Variants in IMPG2 observed in about 807,000 individuals in gnomAD.
The protein encoded by IMPG2 is interphotoreceptor matrix proteoglycan 2.
IMPG2 carries 91 observed loss-of-function variants against 129.2 expected under a neutral mutation model. The ratio of observed to expected loss-of-function variants is 0.70; its 90% CI spans 0.59 to 0.84. The LOEUF is 0.84. Ranked by LOEUF, IMPG2 falls within the 40% of genes least tolerant of loss-of-function variation. IMPG2 has a pLI of 0.00. For synonymous variants in IMPG2, 510 were observed against 517.7 expected (o/e 0.99, Z 0.20); for missense variants, 1,430 against 1,461.7 (o/e 0.98, Z 0.35).
chr3:101,294,235 C>T (rs1001221303), intron 3 of IMPG2, among the ~76,000 whole-genome samples: 1 of 152,010 alleles, frequency 6.6e-6, no homozygotes, highest in Non-Finnish European at 1.5e-5. Flanking sequence ...AATGCTCTCC[C>T]TCCCCTTGGC....
At chr3:101,289,986 T>C (rs560164976) in intron 4 of IMPG2, among the ~76,000 whole-genome samples, 1 of 150,136 alleles carries the variant, frequency 6.7e-6, no homozygotes, top group South Asian at 2.1e-4. Context: ...GAGAGGAACG[T>C]AGAAAGAAAC....
chr3:101,280,767 G>A lies in IMPG2; in HGVS notation c.534-4054C>T, dbSNP rs1308486088. ...TCGAAACCAGCCTGGCCAACATGGC[G>A]AAACCCCATCTCTACTAAAAAACAT... is the stretch of plus-strand genomic sequence containing the variant. On this transcript the variant is annotated intron_variant, in intron 4 of 18. Coordinates refer to ENST00000193391, the MANE Select transcript of IMPG2 (RefSeq NM_016247.4). Among the ~76,000 whole-genome samples, 11 of 151,958 alleles carry A rather than the reference G, an allele frequency of 7.2e-5. 1 individual carries two copies. Among genetic ancestry groups the A allele is most frequent in the South Asian group, 4.1e-4 (2 of 4,820 alleles).
intron 5 of IMPG2, among the ~76,000 whole-genome samples, chr3:101,276,445 T>C (rs1350467576): frequency 6.6e-6 from 1 of 152,184 alleles, no homozygotes; most frequent in Admixed American, 6.5e-5. Flanking sequence ...CTGACTTGTA[T>C]TATATACTTA....
intron 9 of IMPG2, among the ~76,000 whole-genome samples, chr3:101,260,762 T>G (rs1706660554): frequency 6.6e-6 from 1 of 152,202 alleles, no homozygotes; most frequent in Non-Finnish European, 1.5e-5. Flanking sequence ...AAACTTCTTT[T>G]TAACATGAAG....
chr3:101,269,701 G>C (rs1706759041), intron 7 of IMPG2, 128 bp from the exon 8 acceptor site: 1 of 577,546 alleles, frequency 1.7e-6, no homozygotes, highest in Non-Finnish European at 3.1e-6. Context: ...CACTTAGCTA[G>C]GCATACCCAG....
intron 11 of IMPG2, among the ~76,000 whole-genome samples, chr3:101,248,288 T>A (rs1373064977): frequency 6.6e-6 from 1 of 151,508 alleles, no homozygotes; most frequent in Non-Finnish European, 1.5e-5. Flanking sequence ...TAAAGGGGAG[T>A]TTCCCTGCAC....
chr3:101,291,497 G>A lies in IMPG2; in HGVS notation c.515C>T (p.Ala172Val). 1.2e-6 allele frequency: 2 copies of A among 1,612,660 alleles called. No homozygotes were observed. The highest frequency in any genetic ancestry group is 1.7e-6 in the Non-Finnish European group (2 of 1,178,806). Residue 172 changes from alanine to valine, a missense_variant, in exon 4 of 19, where the codon GCA becomes GTA. Ala to Val is a moderately conservative substitution (Grantham distance 64). Coordinates refer to ENST00000193391, the MANE Select transcript of IMPG2 (RefSeq NM_016247.4). ...RSLIMKKLTYAKETVSSSELS... is the reference protein window; with the variant it reads ...RSLIMKKLTYVKETVSSSELS... ...CACTCACCTGCTTACAGTTTCCTTT[G>A]CATAAGTCAGTTTCTAAGGAAAACA... is the stretch of plus-strand genomic sequence containing the variant.
intron 14 of IMPG2, among the ~76,000 whole-genome samples, chr3:101,239,927 G>A (rs1706388546): frequency 1.3e-5 from 2 of 152,098 alleles, no homozygotes; most frequent in Admixed American, 6.5e-5. Context: ...CAGGGGTGGA[G>A]TGCTAGAGGA....
chr3:101,239,439 T>A (rs1272538046), intron 14 of IMPG2, among the ~76,000 whole-genome samples: 1 of 152,178 alleles, frequency 6.6e-6, no homozygotes, highest in African/African-American at 2.4e-5. Context: ...AAACAACAGA[T>A]GCTGGAGAGG....
chr3:101,306,699 G>A (rs879189632), intron 2 of IMPG2, among the ~76,000 whole-genome samples: 2 of 151,380 alleles, frequency 1.3e-5, no homozygotes, highest in Non-Finnish European at 3.0e-5. Context: ...CTACCCATAG[G>A]GAAAGAAAAA....
At chr3:101,311,252 CA>C (rs910929089) in intron 2 of IMPG2, among the ~76,000 whole-genome samples, 49 of 151,372 alleles carry the variant, frequency 3.2e-4, no homozygotes, top group African/African-American at 1.1e-3. Flanking sequence ...AAAAGGCAGC[CA>C]AATTGGAAAA....
At chr3:101,291,934 T>C (rs778777980) in intron 3 of IMPG2, among the ~76,000 whole-genome samples, 1 of 152,244 alleles carries the variant, frequency 6.6e-6, no homozygotes, top group Non-Finnish European at 1.5e-5. Context: ...TGTTTGTTTC[T>C]ACAGAATTCA....
chr3:101,239,926 A>G (rs1706388519), intron 14 of IMPG2, among the ~76,000 whole-genome samples: 1 of 152,048 alleles, frequency 6.6e-6, no homozygotes, highest in Non-Finnish European at 1.5e-5. Flanking sequence ...TCAGGGGTGG[A>G]GTGCTAGAGG....
At chr3:101,269,689 T>A (rs1299031268) in intron 7 of IMPG2, 116 bp from the exon 8 acceptor site, 1 of 666,824 alleles carries the variant, frequency 1.5e-6, no homozygotes, top group Non-Finnish European at 2.6e-6. Flanking sequence ...TAGAAGCTTA[T>A]ACACTTAGCT....
intron 14 of IMPG2, among the ~76,000 whole-genome samples, chr3:101,240,852 G>C (rs1040981372): frequency 1.3e-5 from 2 of 152,158 alleles, no homozygotes; most frequent in African/African-American, 4.8e-5. Flanking sequence ...CTAAAGAATA[G>C]GGCTGACTTT....
rs1290981989 is a variant in IMPG2 at position 101,273,654 on chromosome 3, T to A, written c.755A>T (p.Lys252Met). 1 of 1,614,164 alleles carries A rather than the reference T, an allele frequency of 6.2e-7. No homozygotes were observed. Among genetic ancestry groups the A allele is most frequent in the South Asian group, 1.1e-5 (1 of 91,084 alleles). Reference sequence around the variant, plus strand: ...ATCCTGTAGTTCTTCCCTGTACTGCTTCCCCAAAAGGTGGATACTGAATTC... The same window carrying A: ...ATCCTGTAGTTCTTCCCTGTACTGCATCCCCAAAAGGTGGATACTGAATTC... ...IAEFSIHLLG[K>M]QYREELQDSS... Residue 252 changes from lysine to methionine, a missense_variant, in exon 7 of 19, where the codon AAG (lysine) becomes ATG (methionine). Physicochemically the swap from Lys to Met is moderately conservative, Grantham distance 95. Transcript: ENST00000193391.
chr3:101,238,272 T>C (rs1336911137), intron 14 of IMPG2, among the ~76,000 whole-genome samples: 1 of 151,988 alleles, frequency 6.6e-6, no homozygotes, highest in East Asian at 1.9e-4. Flanking sequence ...ATGGGGAGAA[T>C]GGAACCAAGT....
At chr3:101,298,909 G>A (rs1015185314) in intron 3 of IMPG2, among the ~76,000 whole-genome samples, 2 of 152,140 alleles carry the variant, frequency 1.3e-5, no homozygotes, top group Non-Finnish European at 2.9e-5. Flanking sequence ...GTATCTTAGA[G>A]TGTTCTCTGT....
At chr3:101,313,288 G>C (rs2058765306) in intron 2 of IMPG2, among the ~76,000 whole-genome samples, 1 of 152,052 alleles carries the variant, frequency 6.6e-6, no homozygotes, top group Non-Finnish European at 1.5e-5. Context: ...AACCTAGATA[G>C]GACACTGTAG....
Sources: allele counts gnomAD v4.1 joint callset (sites outside exome capture counted in the v4.1 genomes callset), GRCh38; gene constraint gnomAD v4.1.1; transcripts MANE v1.5; gene names NCBI Gene and HGNC (gene_info 2026-07-23, HGNC 2026-07-21).